Variants in SGCZ observed in about 807,000 individuals in gnomAD.
SGCZ encodes the protein zeta-sarcoglycan.
Under a neutral mutation model 41.3 loss-of-function variants are expected in SGCZ, and 40 were observed. The ratio of observed to expected loss-of-function variants is 0.97; its 90% CI spans 0.75 to 1.26. The LOEUF (loss-of-function observed/expected upper bound fraction) is 1.26. SGCZ is among the 50% of genes most tolerant of loss of function. SGCZ has a pLI of 0.00. For missense variants in SGCZ, 552 were observed against 369.8 expected (o/e 1.49, Z -4.04); for synonymous variants, 206 against 137.5 (o/e 1.50, Z -3.49).
intron 1 of SGCZ, among the ~76,000 whole-genome samples, chr8:14,862,635 A>T (rs903313259): frequency 2.7e-5 from 4 of 146,302 alleles, no homozygotes; most frequent in Admixed American, 1.4e-4. Flanking sequence ...TTGCAAAAAA[A>T]TTTTCTCAAA....
intron 2 of SGCZ, among the ~76,000 whole-genome samples, chr8:14,436,035 C>T (rs750303614): frequency 9.2e-5 from 14 of 152,218 alleles, no homozygotes; most frequent in Non-Finnish European, 1.8e-4. Context: ...GGTATTATTT[C>T]TCCTAACCCT....
At chr8:14,286,074 G>GTGTTTT (rs781017987) in intron 3 of SGCZ, among the ~76,000 whole-genome samples, 2 of 150,546 alleles carry the variant, frequency 1.3e-5, no homozygotes, top group Non-Finnish European at 1.5e-5. Flanking sequence ...TGCAGTCAAT[G>GTGTTTT]TATTTTGTTT....
At chr8:14,310,646 A>G (rs1159021985) in intron 3 of SGCZ, among the ~76,000 whole-genome samples, 1 of 152,138 alleles carries the variant, frequency 6.6e-6, no homozygotes, top group Non-Finnish European at 1.5e-5. Flanking sequence ...AAGACACTAT[A>G]CAAAACTGTA....
intron 1 of SGCZ, among the ~76,000 whole-genome samples, chr8:15,182,074 C>CT (rs1563170004): frequency 6.6e-6 from 1 of 151,980 alleles, no homozygotes; most frequent in African/African-American, 2.4e-5. Context: ...TTATTCATTC[C>CT]GAAATTCATG....
chr8:14,581,170 C>A lies in SGCZ; in HGVS notation c.40-26244G>T, dbSNP rs769259594. ...TCACCCAGGCTGCAGTGCAGTGGTG[C>A]GATCTCGGCTCACTTGCAACCTCTG... On this transcript the variant is annotated intron_variant, in intron 1 of 7. Transcript: ENST00000382080. Among the ~76,000 whole-genome samples, 6 of 152,020 alleles carry A rather than the reference C, an allele frequency of 3.9e-5. No homozygotes were observed. In the South Asian group the frequency reaches 8.3e-4, roughly 21 times the overall value.
At chr8:15,122,926 T>C (rs995468972) in intron 1 of SGCZ, among the ~76,000 whole-genome samples, 6 of 152,196 alleles carry the variant, frequency 3.9e-5, no homozygotes, top group African/African-American at 1.4e-4. Context: ...CTTCTTATTA[T>C]TATTTGGAAA....
At chr8:15,225,722 T>A (rs1192464271) in intron 1 of SGCZ, among the ~76,000 whole-genome samples, 1 of 152,186 alleles carries the variant, frequency 6.6e-6, no homozygotes, top group Non-Finnish European at 1.5e-5. Context: ...GTGACTTGCT[T>A]GGAGACTGGC....
At chr8:14,947,649 G>A (rs1045543156) in intron 1 of SGCZ, among the ~76,000 whole-genome samples, 5 of 152,202 alleles carry the variant, frequency 3.3e-5, no homozygotes, top group Non-Finnish European at 7.3e-5. Flanking sequence ...CCATGAGCAA[G>A]AGCAAATATC....
chr8:14,143,256 C>T (rs1803426350), intron 5 of SGCZ, among the ~76,000 whole-genome samples: 1 of 152,188 alleles, frequency 6.6e-6, no homozygotes, highest in Non-Finnish European at 1.5e-5. Flanking sequence ...AGATTGCAGA[C>T]AGGGCAATGG....
chr8:14,395,459 G>A (rs1222229653), intron 2 of SGCZ, among the ~76,000 whole-genome samples: 1 of 152,106 alleles, frequency 6.6e-6, no homozygotes, highest in East Asian at 1.9e-4. Context: ...ACAAAGGGTG[G>A]GTTCCCATAT....
chr8:14,774,749 G>T (rs914987101), intron 1 of SGCZ, among the ~76,000 whole-genome samples: 1 of 152,156 alleles, frequency 6.6e-6, no homozygotes, highest in Non-Finnish European at 1.5e-5. Flanking sequence ...TCATTAGCAC[G>T]AAGGCAATAT....
At chr8:14,779,346 T>G (rs968172535) in intron 1 of SGCZ, among the ~76,000 whole-genome samples, 1 of 152,208 alleles carries the variant, frequency 6.6e-6, no homozygotes, top group Non-Finnish European at 1.5e-5. Flanking sequence ...GAAGCCTGCA[T>G]GCAGAGAAGT....
intron 1 of SGCZ, among the ~76,000 whole-genome samples, chr8:14,858,299 G>C (rs1282769191): frequency 1.3e-5 from 2 of 152,008 alleles, no homozygotes; most frequent in African/African-American, 2.4e-5. Flanking sequence ...ATTAACAGAA[G>C]TAATATTTTA....
intron 1 of SGCZ, among the ~76,000 whole-genome samples, chr8:14,559,969 T>C (rs1456694250): frequency 6.6e-6 from 1 of 152,156 alleles, no homozygotes; most frequent in East Asian, 1.9e-4. Context: ...TAACAGATGA[T>C]AAGTTGCCAA....
intron 1 of SGCZ, among the ~76,000 whole-genome samples, chr8:14,936,529 T>A (rs1800089958): frequency 6.6e-6 from 1 of 151,908 alleles, no homozygotes; most frequent in Non-Finnish European, 1.5e-5. Context: ...CAGTGTCACT[T>A]TTGCACCACC....
chr8:14,784,131 C>T (rs1372400841), intron 1 of SGCZ, among the ~76,000 whole-genome samples: 1 of 150,078 alleles, frequency 6.7e-6, no homozygotes, highest in African/African-American at 2.5e-5. Flanking sequence ...GTTCACAGTA[C>T]ACTTGACCTC....
intron 2 of SGCZ, among the ~76,000 whole-genome samples, chr8:14,361,755 G>T (rs1022789342): frequency 6.6e-6 from 1 of 152,184 alleles, no homozygotes; most frequent in Non-Finnish European, 1.5e-5. Flanking sequence ...TGGAGGAGAA[G>T]AGGCATTCCG....
intron 3 of SGCZ, among the ~76,000 whole-genome samples, chr8:14,247,256 T>C (rs554514381): frequency 1.3e-5 from 2 of 152,168 alleles, no homozygotes; most frequent in Non-Finnish European, 2.9e-5. Flanking sequence ...CTCTATGACT[T>C]TGCATTGTCC....
rs181365794 is a variant in SGCZ, at chr8:14,660,327, T to A, written c.40-105401A>T. Among the ~76,000 whole-genome samples, 4 of 151,762 alleles carry A rather than the reference T, an allele frequency of 2.6e-5. No individual in the cohort carries two copies. In the East Asian group the frequency reaches 7.9e-4, roughly 30 times the overall value. On this transcript the variant is annotated intron_variant, in intron 1 of 7. Transcript: ENST00000382080. ...TGGCTCATGCCCATAATCCTAGCAC[T>A]TTGGGAGGCCGAGGTGGGTGGATCG...
Sources: gnomAD v4.1 joint callset for allele counts (sites outside exome capture counted in the v4.1 genomes callset) on GRCh38, gnomAD v4.1.1 for gene constraint, MANE v1.5 for transcripts, NCBI Gene and HGNC (gene_info 2026-07-23, HGNC 2026-07-21) for gene names.